Variants in ST6GAL1 observed in about 807,000 individuals in gnomAD.
ST6GAL1 encodes beta-galactoside alpha-2,6-sialyltransferase 1.
ST6GAL1 carries 20 observed loss-of-function variants against 38.0 expected under a neutral mutation model. The observed-to-expected ratio is 0.53, with a 90% CI of 0.37 to 0.77. The LOEUF (loss-of-function observed/expected upper bound fraction) is 0.77. Among genes scored for constraint, ST6GAL1 ranks in the 30% least tolerant of loss-of-function variants. The probability of loss-of-function intolerance (pLI) is 0.00; values close to 1 mark genes in which losing one functional copy is unlikely to be tolerated. For synonymous variants in ST6GAL1, 196 were observed against 188.2 expected (o/e 1.04, Z -0.34); for missense variants, 432 against 496.4 (o/e 0.87, Z 1.23).
chr3:187,024,649 A>C (rs1463627496), intron 2 of ST6GAL1: 1 of 152,134 alleles, frequency 6.6e-6, no homozygotes. Context: ...GGAGAACATT[A>C]AACAACACCC....
intron 1 of ST6GAL1, among the ~76,000 whole-genome samples, chr3:186,949,947 C>T (rs1714520568): frequency 6.6e-6 from 1 of 152,208 alleles, no homozygotes; most frequent in Non-Finnish European, 1.5e-5. Context: ...AATATCACAG[C>T]ACATGTGAAC....
chr3:186,994,473 A>G (rs1026823655), intron 2 of ST6GAL1, among the ~76,000 whole-genome samples: 8 of 152,204 alleles, frequency 5.3e-5, no homozygotes, highest in African/African-American at 1.9e-4. Flanking sequence ...AGGGCTGTAT[A>G]AACAGACCAT....
Position 187,070,424 on chromosome 3 carries a change from CTTT to C in ST6GAL1, c.706-2407_706-2405del, listed in dbSNP as rs34389560. Among the ~76,000 whole-genome samples the C allele has an allele frequency of 2.0e-3, 196 of 99,108 alleles. 1 individual carries two copies. Among genetic ancestry groups the C allele is most frequent in the African/African-American group, 7.1e-3 (158 of 22,288 alleles). The allele number at this position is 99,108 out of a possible 152,430, so 65.0% of individuals were successfully genotyped here. On this transcript the variant is annotated intron_variant, in intron 5 of 7. Coordinates refer to ENST00000169298, the MANE Select transcript of ST6GAL1 (RefSeq NM_173216.2). ...TCTTTTTTGCCCCCTAACACTTGCT[CTTT>C]TTTTTTTTTTTTTTTTTCGAGATGG... is the stretch of plus-strand genomic sequence containing the variant.
At chr3:187,018,068 C>T (rs781528451) in intron 2 of ST6GAL1, among the ~76,000 whole-genome samples, 27 of 152,134 alleles carry the variant, frequency 1.8e-4, no homozygotes, top group Non-Finnish European at 3.5e-4. Context: ...TGCTGTGTCC[C>T]GGGGGAGGCA....
chr3:186,933,131 C>A (rs772890113), intron 1 of ST6GAL1, among the ~76,000 whole-genome samples: 7 of 152,218 alleles, frequency 4.6e-5, no homozygotes, highest in Non-Finnish European at 7.3e-5. Flanking sequence ...TCCTACATTT[C>A]GCCTGTTTTA....
chr3:186,945,577 G>T (rs1289206053), intron 1 of ST6GAL1, among the ~76,000 whole-genome samples: 6 of 152,146 alleles, frequency 3.9e-5, no homozygotes, highest in African/African-American at 1.4e-4. Flanking sequence ...CTAAGCAGGG[G>T]CAGGGATGGG....
At chr3:186,989,155 A>G (rs1396640764) in intron 2 of ST6GAL1, among the ~76,000 whole-genome samples, 1 of 152,210 alleles carries the variant, frequency 6.6e-6, no homozygotes, top group African/African-American at 2.4e-5. Flanking sequence ...ATAGGCCCAG[A>G]GGACAATAAA....
chr3:187,055,435 G>A (rs1217686285), intron 5 of ST6GAL1, among the ~76,000 whole-genome samples: 4 of 151,938 alleles, frequency 2.6e-5, no homozygotes, highest in Non-Finnish European at 4.4e-5. Context: ...TTTCTCTTGT[G>A]GGCATTTAGT....
At chr3:187,009,141 A>G (rs1343555651) in intron 2 of ST6GAL1, among the ~76,000 whole-genome samples, 1 of 136,298 alleles carries the variant, frequency 7.3e-6, no homozygotes, top group Non-Finnish European at 1.5e-5. Flanking sequence ...TCTTTCAACT[A>G]AGATTATGTA....
intron 2 of ST6GAL1, among the ~76,000 whole-genome samples, chr3:186,983,455 A>G (rs1436009846): frequency 6.6e-6 from 1 of 152,192 alleles, no homozygotes; most frequent in African/African-American, 2.4e-5. Context: ...CGACCTATTC[A>G]GTTGGAATCA....
At chr3:187,061,901 A>G (rs560817125) in intron 5 of ST6GAL1, among the ~76,000 whole-genome samples, 37 of 152,344 alleles carry the variant, frequency 2.4e-4, no homozygotes, top group African/African-American at 6.3e-4. Context: ...AAATAATTGT[A>G]TATCAAAAGA....
chr3:186,972,600 AT>A (rs1307149032), intron 2 of ST6GAL1, among the ~76,000 whole-genome samples: 1 of 152,060 alleles, frequency 6.6e-6, no homozygotes, highest in Non-Finnish European at 1.5e-5. Context: ...ATAGAACCTC[AT>A]GTGGCACACA....
chr3:187,020,763 C>A (rs1717268718), intron 2 of ST6GAL1, among the ~76,000 whole-genome samples: 1 of 152,126 alleles, frequency 6.6e-6, no homozygotes, highest in Admixed American at 6.5e-5. Context: ...TTAGAGAAAA[C>A]ACAAACCCAA....
At chr3:186,972,251 CTT>C (rs879574606) in intron 2 of ST6GAL1, among the ~76,000 whole-genome samples, 10 of 145,104 alleles carry the variant, frequency 6.9e-5, no homozygotes, top group Non-Finnish European at 1.1e-4. Flanking sequence ...TTCTTACTTT[CTT>C]TTTTTTTTTT....
At chr3:187,019,795 T>C (rs1717234466) in intron 2 of ST6GAL1, among the ~76,000 whole-genome samples, 1 of 152,144 alleles carries the variant, frequency 6.6e-6, no homozygotes, top group Non-Finnish European at 1.5e-5. Context: ...AACAGAAAGT[T>C]TGGGTTCTAA....
intron 5 of ST6GAL1, among the ~76,000 whole-genome samples, chr3:187,061,597 T>A (rs6808590): frequency 0.099 from 15,121 of 152,152 alleles, 2,505 homozygotes; most frequent in African/African-American, 0.34. Flanking sequence ...TTGATGAGTG[T>A]GTCAGGATCG....
intron 2 of ST6GAL1, among the ~76,000 whole-genome samples, chr3:186,981,590 A>G (rs1715701077): frequency 6.6e-6 from 1 of 152,162 alleles, no homozygotes; most frequent in Admixed American, 6.5e-5. Context: ...TTCCTCAGGG[A>G]GACTGATGAT....
chr3:186,982,022 G>A (rs1715713318), intron 2 of ST6GAL1, among the ~76,000 whole-genome samples: 2 of 152,146 alleles, frequency 1.3e-5, no homozygotes, highest in Admixed American at 1.3e-4. Flanking sequence ...TATGATACAG[G>A]TCACACTGGT....
At chr3:187,024,807 C>T (rs1302722812) in intron 2 of ST6GAL1, 1 of 152,124 alleles carries the variant, frequency 6.6e-6, no homozygotes, top group Non-Finnish European at 1.5e-5. Context: ...GGCACATCAT[C>T]CAGTCATCCA....
Sources: allele counts gnomAD v4.1 joint callset (sites outside exome capture counted in the v4.1 genomes callset), GRCh38; gene constraint gnomAD v4.1.1; transcripts MANE v1.5; gene names NCBI Gene and HGNC (gene_info 2026-07-23, HGNC 2026-07-21).